KIF6: variants seen among roughly 807,000 people sequenced by gnomAD.
The protein encoded by KIF6 is kinesin-like protein KIF6.
Under a neutral mutation model 112.7 loss-of-function variants are expected in KIF6, and 106 were observed. The observed-to-expected ratio is 0.94, with a 90% CI of 0.80 to 1.11. KIF6 has a LOEUF of 1.11. KIF6 is among the 50% of genes least tolerant of loss of function. The pLI is 0.00. For synonymous variants in KIF6, 339 were observed against 339.9 expected, an observed-to-expected ratio of 1.00 and a Z score of 0.03; for missense variants, 929 against 964.0, an observed-to-expected ratio of 0.96 and a Z score of 0.48.
chr6:39,634,994 A>G (rs368970608), intron 4 of KIF6, 36 bp from the exon 5 acceptor site: 2 of 1,125,870 alleles, frequency 1.8e-6, no homozygotes, highest in African/African-American at 3.1e-5. Context: ...TTTATCGGTT[A>G]TAACAATGAT....
intron 19 of KIF6, among the ~76,000 whole-genome samples, chr6:39,354,798 A>G (rs951194992): frequency 7.2e-5 from 11 of 152,216 alleles, no homozygotes; most frequent in African/African-American, 2.7e-4. Context: ...ATAGGTAGAA[A>G]AGTGCTACTG....
At chr6:39,481,147 A>C (rs966988062) in intron 13 of KIF6, among the ~76,000 whole-genome samples, 1 of 152,168 alleles carries the variant, frequency 6.6e-6, no homozygotes, top group Non-Finnish European at 1.5e-5. Context: ...TTTTTTAAAA[A>C]ATGAAGAAAG....
chr6:39,599,653 A>G (rs775358651), intron 6 of KIF6, among the ~76,000 whole-genome samples: 1 of 152,218 alleles, frequency 6.6e-6, no homozygotes, highest in Non-Finnish European at 1.5e-5. Context: ...AAGTGACTGT[A>G]AGTTATTTGC....
chr6:39,412,428 C>T (rs1769549542), intron 15 of KIF6, among the ~76,000 whole-genome samples: 1 of 152,204 alleles, frequency 6.6e-6, no homozygotes. Flanking sequence ...GTCCCGTGAT[C>T]TCTATCATTT....
At chr6:39,427,222 G>A (rs968881498) in intron 14 of KIF6, among the ~76,000 whole-genome samples, 3 of 152,126 alleles carry the variant, frequency 2.0e-5, no homozygotes, top group Non-Finnish European at 4.4e-5. Flanking sequence ...TGGGCCACAT[G>A]AGTCCTTCCT....
At chr6:39,365,252 G>T (rs1765471881) in intron 16 of KIF6, among the ~76,000 whole-genome samples, 1 of 152,194 alleles carries the variant, frequency 6.6e-6, no homozygotes, top group African/African-American at 2.4e-5. Flanking sequence ...TAAATCGACA[G>T]GCAGAGCAAG....
chr6:39,632,236 T>C (rs1261830563), intron 5 of KIF6, among the ~76,000 whole-genome samples: 1 of 151,638 alleles, frequency 6.6e-6, no homozygotes, highest in African/African-American at 2.4e-5. Context: ...TCGCAGGTGA[T>C]ATTTGGGGAT....
chr6:39,577,995 C>G (rs549069943), intron 10 of KIF6, 61 bp downstream of exon 10: 6 of 1,161,002 alleles, frequency 5.2e-6, no homozygotes, highest in Non-Finnish European at 6.4e-6. Flanking sequence ...TTAGGGCCAA[C>G]AAAGAAGTTA....
chr6:39,635,294 AG>A (rs1784568657), intron 4 of KIF6, among the ~76,000 whole-genome samples: 1 of 152,118 alleles, frequency 6.6e-6, no homozygotes, highest in South Asian at 2.1e-4. Context: ...AGACCAAAAA[AG>A]GTTACTAAAA....
intron 13 of KIF6, among the ~76,000 whole-genome samples, chr6:39,447,159 C>G (rs956517394): frequency 4.6e-5 from 7 of 152,146 alleles, no homozygotes; most frequent in Non-Finnish European, 7.3e-5. Flanking sequence ...TTTCTGTGTT[C>G]TCTGCTTCCC....
chr6:39,404,899 T>C (rs1056134866), intron 15 of KIF6, among the ~76,000 whole-genome samples: 1 of 151,562 alleles, frequency 6.6e-6, no homozygotes, highest in Non-Finnish European at 1.5e-5. Flanking sequence ...TTGATAGTTT[T>C]ATACCTAAAT....
At chr6:39,460,372 G>T (rs374565199) in intron 13 of KIF6, among the ~76,000 whole-genome samples, 3 of 94,014 alleles carry the variant, frequency 3.2e-5, no homozygotes, top group African/African-American at 4.6e-5. Flanking sequence ...CGGGGACTGT[G>T]GTGGGGTGGG....
intron 6 of KIF6, among the ~76,000 whole-genome samples, chr6:39,600,857 A>T (rs1782529119): frequency 6.6e-6 from 1 of 152,130 alleles, no homozygotes; most frequent in Non-Finnish European, 1.5e-5. Flanking sequence ...GTCACTTACT[A>T]GTGTTAAAAG....
chr6:39,613,123 TGC>T, intron 6 of KIF6, 64 bp downstream of exon 6: 1 of 1,235,868 alleles, frequency 8.1e-7, no homozygotes, highest in Non-Finnish European at 1.1e-6. Flanking sequence ...TTTTTTTTTC[TGC>T]CTTGGCTTCA....
Position 39,378,110 on chromosome 6 carries a change from T to G in KIF6, c.1861+7512A>C, listed in dbSNP as rs1467788900. On this transcript the variant is annotated intron_variant, in intron 16 of 22. Coordinates refer to ENST00000287152, the MANE Select transcript of KIF6 (RefSeq NM_145027.6). The surrounding 1 kb of genome is among the most constrained non-coding windows in gnomAD (Gnocchi z 5.0). ...CTGTCGAGGAAATGGGATGTTCCAG[T>G]AAGCTCTGTTTTCACAGAAGTTGGG... is the stretch of plus-strand genomic sequence containing the variant. Among the ~76,000 whole-genome samples the G allele has an allele frequency of 6.6e-6, 1 of 152,140 alleles. No individual in the cohort carries two copies. The highest frequency in any genetic ancestry group is 1.5e-5 in the Non-Finnish European group (1 of 68,028).
At chr6:39,695,899 G>A (rs1788502415) in intron 3 of KIF6, among the ~76,000 whole-genome samples, 1 of 152,088 alleles carries the variant, frequency 6.6e-6, no homozygotes, top group Admixed American at 6.6e-5. Flanking sequence ...ATCAACACAG[G>A]TGCCCATCAA....
chr6:39,669,974 C>A (rs1786702185), intron 3 of KIF6, among the ~76,000 whole-genome samples: 1 of 152,236 alleles, frequency 6.6e-6, no homozygotes, highest in South Asian at 2.1e-4. Context: ...AGATGGCCTG[C>A]TCTCCTCAAA....
At position 39,336,650 on chromosome 6, in the gene KIF6, G is replaced by A; in HGVS notation, c.2429-102C>T. 4 of 1,033,602 alleles carry A rather than the reference G, an allele frequency of 3.9e-6. No individual in the cohort carries two copies. The South Asian group carries it at 5.1e-5, about 13-fold the overall frequency. The allele number at this position is 1,033,602 out of a possible 1,614,324, so 64.0% of individuals were successfully genotyped here. On this transcript the variant is annotated intron_variant, in intron 22 of 22. Coordinates refer to ENST00000287152, the MANE Select transcript of KIF6 (RefSeq NM_145027.6). The stretch of plus-strand genomic sequence containing the variant: ...GGGGAGGCCACCAGCCACTCCCCCT[G>A]GGTCTTGGGCACTGCATCTGTGTCT...
At chr6:39,346,135 CTCTCTCTCTCTCTCT>C (rs1763777986) in intron 20 of KIF6, among the ~76,000 whole-genome samples, 1 of 107,480 alleles carries the variant, frequency 9.3e-6, no homozygotes, top group African/African-American at 3.5e-5. Flanking sequence ...CCCTCTCCCT[CTCTCTCTCTCTCTCT>C]CTCTCTCTCT....
Sources: gnomAD v4.1 joint callset for allele counts (sites outside exome capture counted in the v4.1 genomes callset) on GRCh38, gnomAD v4.1.1 for gene constraint, Gnocchi (gnomAD v3.1) non-coding constraint, MANE v1.5 for transcripts, NCBI Gene and HGNC (gene_info 2026-07-23, HGNC 2026-07-21) for gene names.